The following DISP3 variants were observed in gnomAD, a reference collection of about 807,000 sequenced individuals.
DISP3 encodes dispatched RND transporter family member 3.
Under a neutral mutation model 135.3 loss-of-function variants are expected in DISP3, and 101 were observed. The ratio of observed to expected loss-of-function variants is 0.75; its 90% CI spans 0.64 to 0.88. DISP3 has a LOEUF of 0.88. Ranked by LOEUF, DISP3 falls within the 40% of genes least tolerant of loss-of-function variation. The pLI is 0.00. For synonymous variants in DISP3, 856 were observed against 817.0 expected (o/e 1.05, Z -0.81); for missense variants, 1,713 against 1,878.6 (o/e 0.91, Z 1.63).
At chr1:11,535,388 G>C (rs932347139) in intron 19 of DISP3, 90 bp from the exon 20 acceptor site, 6 of 1,493,888 alleles carry the variant, frequency 4.0e-6, no homozygotes, top group Non-Finnish European at 5.4e-6. Context: ...CCTGTCACCT[G>C]AGGGTGGGGG....
chr1:11,519,434 A>G lies in DISP3; in HGVS notation c.1969A>G (p.Ser657Gly). The G allele has an allele frequency of 6.2e-7, 1 of 1,613,776 alleles. No individual in the cohort carries two copies. The highest frequency in any genetic ancestry group is 8.5e-7 in the Non-Finnish European group (1 of 1,180,000). ...TGCCGCTCCCGAGCAGGTTGGAGGC[A>G]GCCCTGCCCAGGGCCCCATACCCTA... Reference protein sequence around the residue: ...VFAAPEQVGGSPAQGPIPYLD... With the variant: ...VFAAPEQVGGGPAQGPIPYLD... Residue 657 changes from serine to glycine, a missense_variant, in exon 8 of 21, where the codon AGC (serine) becomes GGC (glycine). Physicochemically the swap from Ser to Gly is moderately conservative, Grantham distance 56. Transcript: ENST00000294484. The surrounding 1 kb of genome is among the most constrained non-coding windows in gnomAD (Gnocchi z 4.3).
chr1:11,482,072 G>C (rs1249887877), intron 1 of DISP3: 2 of 152,144 alleles, frequency 1.3e-5, no homozygotes, highest in Non-Finnish European at 2.9e-5. Context: ...TCTCATGATC[G>C]CCAGGTCCTT....
rs1358776888 is a variant in DISP3, at chr1:11,520,811, C to A, written c.2325C>A (p.Asn775Lys). Residue 775 changes from asparagine to lysine, a missense_variant, in exon 10 of 21, where the codon AAC (asparagine) becomes AAA (lysine). Transcript: ENST00000294484. The surrounding 1 kb of genome is among the most constrained non-coding windows in gnomAD (Gnocchi z 4.8). ...AGGTGCTGCTGGACCTCAAGTACAACCTGAGCGCCGAGGGCATCTCCTGCA... is the reference window on the plus strand; with the variant it reads ...AGGTGCTGCTGGACCTCAAGTACAAACTGAGCGCCGAGGGCATCTCCTGCA... ...NIQVLLDLKYNLSAEGISCIT... is the reference protein window; with the variant it reads ...NIQVLLDLKYKLSAEGISCIT... The A allele has an allele frequency of 6.2e-7, 1 of 1,612,636 alleles. No homozygotes were observed. Among genetic ancestry groups the A allele is most frequent in the Non-Finnish European group, 8.5e-7 (1 of 1,179,646 alleles).
chr1:11,498,006 G>T (rs996776854), intron 1 of DISP3, among the ~76,000 whole-genome samples: 3 of 152,186 alleles, frequency 2.0e-5, no homozygotes, highest in Admixed American at 1.3e-4. Flanking sequence ...CTCCCTTAAA[G>T]CTCACATCTA....
intron 1 of DISP3, among the ~76,000 whole-genome samples, chr1:11,486,263 AG>A (rs1233351296): frequency 6.6e-6 from 1 of 152,146 alleles, no homozygotes; most frequent in Non-Finnish European, 1.5e-5. Flanking sequence ...GTTGGTTTTA[AG>A]GCATCATCTT....
At chr1:11,517,367 CT>C (rs1211033173) in intron 6 of DISP3, 95 bp from the exon 7 acceptor site, 3 of 1,513,608 alleles carry the variant, frequency 2.0e-6, no homozygotes, top group Non-Finnish European at 2.7e-6. Flanking sequence ...TGGGCCAGAT[CT>C]GGGGTCCTGA....
Position 11,501,220 on chromosome 1 carries a change from G to C in DISP3, c.228G>C (p.Leu76=), listed in dbSNP as rs749140816. 1 of 1,614,144 alleles carries C rather than the reference G, an allele frequency of 6.2e-7. No individual in the cohort carries two copies. The highest frequency in any genetic ancestry group is 1.1e-5 in the South Asian group (1 of 91,082). The change falls in exon 2 of 21, where the codon CTG becomes CTC. Residue 76 remains leucine, a synonymous_variant. Coordinates refer to ENST00000294484, the MANE Select transcript of DISP3 (RefSeq NM_020780.2). This position sits in a 1 kb window ranked among gnomAD's most constrained non-coding sequence, Gnocchi z 4.9. The part of the protein sequence containing the change: ...WAFTNPCCAG[L]VLFLGCSIPM... ...TCACCAATCCGTGCTGTGCTGGGCT[G>C]GTGCTCTTCCTGGGCTGCAGCATCC...
intron 12 of DISP3, 117 bp downstream of exon 12, chr1:11,525,429 A>C: frequency 7.9e-7 from 1 of 1,271,774 alleles, no homozygotes; most frequent in Non-Finnish European, 1.0e-6. Context: ...TTGAGGATGA[A>C]GACCCCCCTC....
rs994855195 is a variant in DISP3, at chr1:11,491,504, G to C, written c.-3-9486G>C. On this transcript the variant is annotated intron_variant, in intron 1 of 20. Coordinates refer to ENST00000294484, the MANE Select transcript of DISP3 (RefSeq NM_020780.2). The surrounding 1 kb of genome is among the most constrained non-coding windows in gnomAD (Gnocchi z 4.3). ...CATGCACCTGTAGTCTCAGCTACTT[G>C]GGAGGCTGAGCGGGGAGGACCACTC... Among the ~76,000 whole-genome samples, 6 of 152,118 alleles carry C rather than the reference G, an allele frequency of 3.9e-5. No individual in the cohort carries two copies. Among genetic ancestry groups the C allele is most frequent in the African/African-American group, 1.4e-4 (6 of 41,422 alleles).
rs200992848 is a variant in DISP3 at position 11,525,171 on chromosome 1, C to T, written c.2477-5C>T. On this transcript the variant is annotated splice_region_variant and splice_polypyrimidine_tract_variant and intron_variant, in intron 11 of 20. Coordinates refer to ENST00000294484, the MANE Select transcript of DISP3 (RefSeq NM_020780.2). ...ACCCCTCTTTCATCCCTTATTTGTC[C>T]GTAGATTTCCCAGGCACCGTGTACA... The T allele has an allele frequency of 1.5e-5, 25 of 1,613,038 alleles. No individual in the cohort carries two copies. The highest frequency in any genetic ancestry group is 9.3e-5 in the African/African-American group (7 of 75,030).
intron 15 of DISP3, among the ~76,000 whole-genome samples, chr1:11,530,441 T>C (rs945310132): frequency 6.6e-6 from 1 of 152,126 alleles, no homozygotes; most frequent in African/African-American, 2.4e-5. Context: ...CCTTTGCCTT[T>C]ATTAGTCACA....
chr1:11,528,331 G>T (rs1642482040), intron 13 of DISP3, among the ~76,000 whole-genome samples: 1 of 152,068 alleles, frequency 6.6e-6, no homozygotes, highest in South Asian at 2.1e-4. Context: ...GCCATCCAGG[G>T]GCACCTTTTC....
rs889810003 is a variant in DISP3, at chr1:11,531,060, C to T, written c.3229+27C>T. On this transcript the variant is annotated intron_variant, in intron 16 of 20. Coordinates refer to ENST00000294484, the MANE Select transcript of DISP3 (RefSeq NM_020780.2). This position sits in a 1 kb window ranked among gnomAD's most constrained non-coding sequence, Gnocchi z 5.2. ...TGCGTGGGGTGTGGGGAGCTGGTTC[C>T]TCCGAGGGAGGATGGACTGACTGGG... 27 of 1,611,196 alleles carry T rather than the reference C, an allele frequency of 1.7e-5. No homozygotes were observed. Among genetic ancestry groups the T allele is most frequent in the Non-Finnish European group, 1.9e-5 (23 of 1,179,650 alleles).
In DISP3 at chr1:11,528,571, C is replaced by A. The variant is rs12064413; in HGVS notation, c.2799-985C>A. Among the ~76,000 whole-genome samples, 980 of 152,358 alleles carry A rather than the reference C, an allele frequency of 6.4e-3. 14 individuals are homozygous for A. Among genetic ancestry groups the A allele is most frequent in the African/African-American group, 0.022 (907 of 41,574 alleles). On this transcript the variant is annotated intron_variant, in intron 13 of 20. Coordinates refer to ENST00000294484, the MANE Select transcript of DISP3 (RefSeq NM_020780.2). Reference sequence around the variant, plus strand: ...TAACAAGTAAACAGCGATATCATTACAAACTATGATACGTGCTCTGAAAGA... The same window carrying A: ...TAACAAGTAAACAGCGATATCATTAAAAACTATGATACGTGCTCTGAAAGA...
At chr1:11,508,802 C>G (rs1029272512) in intron 3 of DISP3, among the ~76,000 whole-genome samples, 4 of 152,124 alleles carry the variant, frequency 2.6e-5, no homozygotes, top group Non-Finnish European at 5.9e-5. Flanking sequence ...CAATTACACT[C>G]TTATTTTAAA....
chr1:11,526,655 A>G lies in DISP3; in HGVS notation c.2618A>G (p.Tyr873Cys), dbSNP rs763479505. The change falls in exon 13 of 21, where the codon TAT (tyrosine) becomes TGT (cysteine). Residue 873 changes from tyrosine (Y) to cysteine (C), a missense_variant. Transcript: ENST00000294484. ...GDGEVPSFQV[Y>C]RAPFGNFTKK... Reference sequence around the variant, plus strand: ...CTCTGTCAACCCACTGCTTAGGTGTATAGAGCGCCTTTTGGTAACTTCACC... The same window carrying G: ...CTCTGTCAACCCACTGCTTAGGTGTGTAGAGCGCCTTTTGGTAACTTCACC... 5.0e-6 allele frequency: 8 copies of G among 1,613,814 alleles called. No homozygotes were observed. Among genetic ancestry groups the G allele is most frequent in the East Asian group, 4.5e-5 (2 of 44,866 alleles).
chr1:11,530,361 G>A (rs1642544795), intron 15 of DISP3, among the ~76,000 whole-genome samples: 1 of 152,216 alleles, frequency 6.6e-6, no homozygotes, highest in Admixed American at 6.5e-5. Context: ...TGAAAGCACT[G>A]CTTGAGCCGG....
chr1:11,504,133 G>A (rs1641633926), intron 3 of DISP3, among the ~76,000 whole-genome samples: 2 of 152,232 alleles, frequency 1.3e-5, no homozygotes, highest in East Asian at 3.8e-4. Context: ...AATAATCAGA[G>A]CTAATGTTTA....
At chr1:11,518,522 A>G (rs74360064) in intron 7 of DISP3, among the ~76,000 whole-genome samples, 1,799 of 152,316 alleles carry the variant, frequency 0.012, 42 homozygotes, top group African/African-American at 0.041. Flanking sequence ...GTCATGGGGA[A>G]AGGGCGCCTT....
Sources: allele counts gnomAD v4.1 joint callset (sites outside exome capture counted in the v4.1 genomes callset), GRCh38; gene constraint gnomAD v4.1.1; non-coding constraint Gnocchi (gnomAD v3.1); transcripts MANE v1.5; gene names NCBI Gene and HGNC (gene_info 2026-07-23, HGNC 2026-07-21).